ADAMTS12: variants seen among roughly 807,000 people sequenced by gnomAD.
ADAMTS12 encodes A disintegrin and metalloproteinase with thrombospondin motifs 12.
A neutral mutation model predicts 167.8 loss-of-function variants in ADAMTS12; 118 were observed. The observed-to-expected ratio is 0.70, with a 90% CI of 0.61 to 0.82. ADAMTS12 has a LOEUF of 0.82. Among genes scored for constraint, ADAMTS12 ranks in the 40% least tolerant of loss-of-function variants. The probability of loss-of-function intolerance (pLI) is 0.00; values close to 1 mark genes in which losing one functional copy is unlikely to be tolerated. For missense variants in ADAMTS12, 1,916 were observed against 1,998.8 expected, an observed-to-expected ratio of 0.96 and a Z score of 0.79; for synonymous variants, 704 against 716.9, an observed-to-expected ratio of 0.98 and a Z score of 0.29.
intron 2 of ADAMTS12, among the ~76,000 whole-genome samples, chr5:33,877,794 C>A (rs1750284673): frequency 6.6e-6 from 1 of 152,086 alleles, no homozygotes; most frequent in African/African-American, 2.4e-5. Context: ...TTCTAGGGTC[C>A]TCAGTTTGAA....
intron 14 of ADAMTS12, among the ~76,000 whole-genome samples, chr5:33,618,583 C>T (rs1739143805): frequency 6.6e-6 from 1 of 152,172 alleles, no homozygotes; most frequent in Non-Finnish European, 1.5e-5. Flanking sequence ...ACTGTTTCTT[C>T]TCCATCTTCT....
chr5:33,751,814 T>C (rs1562245), intron 2 of ADAMTS12, among the ~76,000 whole-genome samples: 76,881 of 152,102 alleles, frequency 0.51, 21,175 homozygotes, highest in Non-Finnish European at 0.62. Context: ...GTCCGAAATG[T>C]AGCCTACAAT....
chr5:33,679,754 G>A (rs2112254430), intron 5 of ADAMTS12, among the ~76,000 whole-genome samples: 1 of 152,280 alleles, frequency 6.6e-6, no homozygotes, highest in South Asian at 2.1e-4. Context: ...AGGGACTTGT[G>A]TTCACATTTT....
chr5:33,554,868 G>C (rs1745419838), intron 20 of ADAMTS12, among the ~76,000 whole-genome samples: 1 of 152,130 alleles, frequency 6.6e-6, no homozygotes, highest in Non-Finnish European at 1.5e-5. Context: ...ATAAGGAAAG[G>C]CTGTCACTTT....
intron 3 of ADAMTS12, among the ~76,000 whole-genome samples, chr5:33,732,332 C>A (rs1219501053): frequency 6.6e-6 from 1 of 152,010 alleles, no homozygotes. Context: ...AAGAAAACGT[C>A]TAAATGAAAA....
intron 3 of ADAMTS12, among the ~76,000 whole-genome samples, chr5:33,722,139 T>C (rs1213604549): frequency 6.6e-6 from 1 of 152,192 alleles, no homozygotes; most frequent in Admixed American, 6.5e-5. Context: ...TGCAACCACA[T>C]TTCCATCCAA....
chr5:33,777,977 G>T (rs1308669495), intron 2 of ADAMTS12, among the ~76,000 whole-genome samples: 1 of 151,848 alleles, frequency 6.6e-6, no homozygotes, highest in Non-Finnish European at 1.5e-5. Context: ...AGAGGTAAAA[G>T]ATATGTACAT....
intron 2 of ADAMTS12, among the ~76,000 whole-genome samples, chr5:33,772,043 A>T (rs1745757142): frequency 6.6e-6 from 1 of 151,920 alleles, no homozygotes; most frequent in African/African-American, 2.4e-5. Flanking sequence ...TTTTTTGTAG[A>T]TATGGGGCCT....
Position 33,730,421 on chromosome 5 carries a change from C to G in ADAMTS12, c.634+20983G>C, listed in dbSNP as rs567140467. On this transcript the variant is annotated intron_variant, in intron 3 of 23. Transcript: ENST00000504830. The stretch of plus-strand genomic sequence containing the variant: ...CTGGAGGCAGGAGGGGCCACAAAAG[C>G]TGTCCTTTTTGTTTCCTTCCCTGTG... Among the ~76,000 whole-genome samples the G allele has an allele frequency of 2.8e-4, 43 of 151,958 alleles. No individual in the cohort carries two copies. In the East Asian group the frequency reaches 7.9e-3, roughly 28 times the overall value.
intron 20 of ADAMTS12, among the ~76,000 whole-genome samples, chr5:33,554,064 C>T (rs1409029653): frequency 6.6e-6 from 1 of 152,072 alleles, no homozygotes; most frequent in Admixed American, 6.6e-5. Flanking sequence ...AGATTATATG[C>T]CATAGTTGTC....
At chr5:33,809,463 C>T (rs78445896) in intron 2 of ADAMTS12, among the ~76,000 whole-genome samples, 3,569 of 139,414 alleles carry the variant, frequency 0.026, 137 homozygotes, top group African/African-American at 0.086. Context: ...CTCAATCCCT[C>T]TGATTACTTT....
At position 33,527,179 on chromosome 5, in the gene ADAMTS12, CT is replaced by C. The variant is rs749145715; in HGVS notation, c.*8del. ...CTGCAGTCTGGTGGAAGCTGGCTTCCTTTTGGGCTTAGAGTTCTTTTGACTT... is the reference window on the plus strand; with the variant it reads ...CTGCAGTCTGGTGGAAGCTGGCTTCCTTTGGGCTTAGAGTTCTTTTGACTT... On this transcript the variant is annotated 3_prime_UTR_variant, in exon 24 of 24. Coordinates refer to ENST00000504830, the MANE Select transcript of ADAMTS12 (RefSeq NM_030955.4). 2.5e-6 allele frequency: 4 copies of C among 1,614,020 alleles called. No homozygotes were observed. The highest frequency in any genetic ancestry group is 3.4e-6 in the Non-Finnish European group (4 of 1,179,918).
chr5:33,862,944 CAT>C (rs1489477567), intron 2 of ADAMTS12, among the ~76,000 whole-genome samples: 1 of 152,164 alleles, frequency 6.6e-6, no homozygotes, highest in African/African-American at 2.4e-5. Flanking sequence ...ACAAAAACCA[CAT>C]GATTATCTCA....
intron 12 of ADAMTS12, among the ~76,000 whole-genome samples, chr5:33,634,209 AGTTTC>A (rs1740087991): frequency 6.6e-6 from 1 of 152,178 alleles, no homozygotes; most frequent in South Asian, 2.1e-4. Flanking sequence ...CTGGAAAGTG[AGTTTC>A]ATCATTTTAA....
rs1283075124 is a variant in ADAMTS12 at position 33,527,402 on chromosome 5, A to G, written c.4607-36T>C. 3.1e-6 allele frequency: 5 copies of G among 1,599,776 alleles called. No individual in the cohort carries two copies. The Admixed American group carries it at 5.1e-5, about 16-fold the overall frequency. ...AGAAAAAGAATAAGAAAAAAGTCCA[A>G]AGATTATCCTTTGTGGATATACAAG... On this transcript the variant is annotated intron_variant, in intron 23 of 23. Transcript: ENST00000504830.
At chr5:33,617,992 G>A (rs2112104240) in intron 14 of ADAMTS12, among the ~76,000 whole-genome samples, 1 of 152,224 alleles carries the variant, frequency 6.6e-6, no homozygotes, top group Non-Finnish European at 1.5e-5. Context: ...CAGGGGTTAG[G>A]GCACTGAGCC....
intron 2 of ADAMTS12, among the ~76,000 whole-genome samples, chr5:33,837,970 A>G (rs1445541037): frequency 6.6e-6 from 1 of 152,206 alleles, no homozygotes; most frequent in Admixed American, 6.5e-5. Context: ...AAAACATCAC[A>G]ATTAAATCTG....
intron 3 of ADAMTS12, among the ~76,000 whole-genome samples, chr5:33,696,599 T>A (rs1205150881): frequency 6.6e-6 from 1 of 152,032 alleles, no homozygotes; most frequent in Non-Finnish European, 1.5e-5. Flanking sequence ...TAATTAGAGA[T>A]GGAGTTCAGG....
At chr5:33,802,470 G>C (rs1432631855) in intron 2 of ADAMTS12, among the ~76,000 whole-genome samples, 1 of 152,202 alleles carries the variant, frequency 6.6e-6, no homozygotes, top group Non-Finnish European at 1.5e-5. Context: ...AGATGCCACT[G>C]CTCCACAGGA....
Sources: allele counts gnomAD v4.1 joint callset (sites outside exome capture counted in the v4.1 genomes callset), GRCh38; gene constraint gnomAD v4.1.1; transcripts MANE v1.5; gene names NCBI Gene and HGNC (gene_info 2026-07-23, HGNC 2026-07-21).